NELL2: variants seen among roughly 807,000 people sequenced by gnomAD.
NELL2 encodes protein kinase C-binding protein NELL2.
In NELL2, 41 loss-of-function variants were observed where a neutral mutation model predicts 109.6. That is an observed-to-expected ratio of 0.37 (90% CI 0.29 to 0.49). The LOEUF is 0.49. Among genes scored for constraint, NELL2 ranks in the 20% least tolerant of loss-of-function variants. NELL2 has a pLI of 0.98. For synonymous variants in NELL2, 355 were observed against 344.7 expected, an observed-to-expected ratio of 1.03 and a Z score of -0.33; for missense variants, 900 against 1,008.3, an observed-to-expected ratio of 0.89 and a Z score of 1.45.
At chr12:44,600,127 A>AATTTATTT (rs57168113) in intron 15 of NELL2, among the ~76,000 whole-genome samples, 3,663 of 132,168 alleles carry the variant, frequency 0.028, 78 homozygotes, top group East Asian at 0.053. Flanking sequence ...ACGCCCGGCT[A>AATTTATTT]ATTTATTTAT....
At chr12:44,900,079 G>A (rs1286988380) in intron 1 of NELL2, among the ~76,000 whole-genome samples, 1 of 152,108 alleles carries the variant, frequency 6.6e-6, no homozygotes, top group African/African-American at 2.4e-5. Context: ...AAACATATAT[G>A]CACTCAACAC....
intron 9 of NELL2, among the ~76,000 whole-genome samples, chr12:44,744,098 G>A (rs985892017): frequency 2.0e-4 from 30 of 152,190 alleles, no homozygotes; most frequent in South Asian, 1.2e-3. Context: ...ATAACAAACT[G>A]TCTCTCAGAC....
chr12:44,884,523 G>A (rs922063615), intron 1 of NELL2, among the ~76,000 whole-genome samples: 16 of 151,902 alleles, frequency 1.1e-4, no homozygotes, highest in African/African-American at 3.9e-4. Flanking sequence ...ATAAAGGAAA[G>A]GGAAACACTT....
chr12:44,538,517 T>C (rs564488742), intron 15 of NELL2, among the ~76,000 whole-genome samples: 94 of 152,292 alleles, frequency 6.2e-4, no homozygotes, highest in African/African-American at 2.2e-3. Context: ...GAATGTCTTT[T>C]TTTTCTGTGA....
At chr12:44,568,487 G>A (rs577341325) in intron 15 of NELL2, among the ~76,000 whole-genome samples, 90 of 152,094 alleles carry the variant, frequency 5.9e-4, no homozygotes, top group Non-Finnish European at 1.1e-3. Context: ...TCTAGAGATG[G>A]TATTACATTC....
intron 2 of NELL2, among the ~76,000 whole-genome samples, chr12:44,826,694 G>C (rs1278433738): frequency 6.6e-6 from 1 of 152,144 alleles, no homozygotes; most frequent in Non-Finnish European, 1.5e-5. Context: ...ATCATCAAAA[G>C]TGGCTCAAAA....
At position 44,794,975 on chromosome 12, in the gene NELL2, C is replaced by A. The variant is rs567621321; in HGVS notation, c.336-14953G>T. ...AGTTAACCTTTTATAGTAATTTATG[C>A]CCTTGTTAGTCAAATATCCTTTGCA... On this transcript the variant is annotated intron_variant, in intron 3 of 19. Coordinates refer to ENST00000429094, the MANE Select transcript of NELL2 (RefSeq NM_001145108.2). 2.6e-5 allele frequency among the ~76,000 whole-genome samples: 4 copies of A among 152,220 alleles called. No homozygotes were observed. The East Asian group carries it at 7.7e-4, about 29-fold the overall frequency.
intron 12 of NELL2, among the ~76,000 whole-genome samples, chr12:44,702,780 C>A (rs1301050855): frequency 6.6e-6 from 1 of 151,934 alleles, no homozygotes; most frequent in Admixed American, 6.6e-5. Context: ...ATCCAAAGGT[C>A]AATTTAAAAA....
intron 9 of NELL2, among the ~76,000 whole-genome samples, chr12:44,765,300 T>G (rs1941284870): frequency 6.6e-6 from 1 of 152,226 alleles, no homozygotes; most frequent in African/African-American, 2.4e-5. Flanking sequence ...AGACATCTCT[T>G]TATAATTTGC....
chr12:44,847,567 G>GGA (rs112281788), intron 2 of NELL2, among the ~76,000 whole-genome samples: 8 of 142,952 alleles, frequency 5.6e-5, no homozygotes, highest in African/African-American at 2.1e-4. Context: ...AGAAATGGGG[G>GGA]AAAAAAAAAA....
intron 15 of NELL2, among the ~76,000 whole-genome samples, chr12:44,587,757 C>A (rs1410809783): frequency 2.6e-5 from 4 of 152,152 alleles, no homozygotes; most frequent in Admixed American, 1.3e-4. Context: ...TCACTTGGGC[C>A]TAGCTTTCCT....
chr12:44,883,050 T>G (rs1049147053), intron 1 of NELL2, among the ~76,000 whole-genome samples: 9 of 150,470 alleles, frequency 6.0e-5, no homozygotes, highest in African/African-American at 2.0e-4. Context: ...CAGGGTGTTA[T>G]GTTGGCCAGG....
intron 9 of NELL2, among the ~76,000 whole-genome samples, chr12:44,764,934 A>G (rs967480163): frequency 6.6e-6 from 1 of 152,144 alleles, no homozygotes; most frequent in African/African-American, 2.4e-5. Context: ...TAATTGAAGC[A>G]TGTTCCATGA....
At chr12:44,848,237 G>C (rs1245487523) in intron 2 of NELL2, among the ~76,000 whole-genome samples, 1 of 152,052 alleles carries the variant, frequency 6.6e-6, no homozygotes, top group African/African-American at 2.4e-5. Context: ...TGCCAGAAAG[G>C]ACACTGGAGA....
intron 13 of NELL2, among the ~76,000 whole-genome samples, chr12:44,617,492 C>T (rs1034859862): frequency 9.3e-6 from 1 of 107,970 alleles, no homozygotes; most frequent in East Asian, 2.1e-4. Flanking sequence ...TCGAGACCAT[C>T]CTGGCTAAAA....
intron 18 of NELL2, among the ~76,000 whole-genome samples, chr12:44,521,044 T>A (rs1196542060): frequency 6.6e-6 from 1 of 152,194 alleles, no homozygotes; most frequent in Non-Finnish European, 1.5e-5. Context: ...TGTGAAAGTT[T>A]TCGCTATAAA....
At chr12:44,519,930 G>A in intron 19 of NELL2, 75 bp downstream of exon 19, 1 of 1,305,062 alleles carries the variant, frequency 7.7e-7, no homozygotes, top group South Asian at 1.2e-5. Context: ...TATTGTCCAG[G>A]TAGAGCACAT....
chr12:44,875,550 C>G, intron 1 of NELL2, 197 bp from the exon 2 acceptor site: 1 of 1,613,968 alleles, frequency 6.2e-7, no homozygotes, highest in Non-Finnish European at 8.5e-7. Flanking sequence ...CACCCAGTCC[C>G]GTTTCCATGA....
At chr12:44,620,390 T>C (rs1424949620) in intron 13 of NELL2, among the ~76,000 whole-genome samples, 1 of 152,152 alleles carries the variant, frequency 6.6e-6, no homozygotes, top group Non-Finnish European at 1.5e-5. Flanking sequence ...CATTGATCTA[T>C]AGTGTGTCTC....
Sources: gnomAD v4.1 joint callset for allele counts (sites outside exome capture counted in the v4.1 genomes callset) on GRCh38, gnomAD v4.1.1 for gene constraint, MANE v1.5 for transcripts, NCBI Gene and HGNC (gene_info 2026-07-23, HGNC 2026-07-21) for gene names.